The following LOC728743 variants were observed in gnomAD, a reference collection of about 807,000 sequenced individuals.
the LOC728743 span, chr7:150,410,283 A>G: frequency 2.5e-6 from 1 of 398,378 alleles, no homozygotes; most frequent in Non-Finnish European, 4.4e-6. Context: ...ACATCCAGTA[A>G]GAAGACCTGC....
the LOC728743 span, chr7:150,408,232 G>T: frequency 2.6e-6 from 1 of 389,834 alleles, no homozygotes. Context: ...GATGCGCCCG[G>T]GGCCTGCTGC....
the LOC728743 span, chr7:150,408,522 A>T: frequency 4.2e-5 from 10 of 240,648 alleles, no homozygotes; most frequent in Middle Eastern, 1.3e-3. Context: ...AGCCCCTCTC[A>T]GGGCTGGGAG....
chr7:150,403,402 A>G, the LOC728743 span, among the ~76,000 whole-genome samples: 1 of 152,178 alleles, frequency 6.6e-6, no homozygotes, highest in Non-Finnish European at 1.5e-5. The surrounding 1 kb of genome is among the most constrained non-coding windows in gnomAD (Gnocchi z 5.1). Flanking sequence ...GGTTCAGCTT[A>G]CCTAGAAATG....
the LOC728743 span, among the ~76,000 whole-genome samples, chr7:150,401,586 G>C: frequency 6.6e-6 from 1 of 152,230 alleles, no homozygotes; most frequent in Admixed American, 6.5e-5. Context: ...ATTGTGGCAG[G>C]GGCAGTGAGA....
At chr7:150,407,971 C>T in the LOC728743 span, 1 of 403,460 alleles carries the variant, frequency 2.5e-6, no homozygotes, top group Non-Finnish European at 4.4e-6. Context: ...TCCACAGCGG[C>T]GAGAAGCCGC....
the LOC728743 span, chr7:150,408,270 C>CT: frequency 2.6e-6 from 1 of 377,898 alleles, no homozygotes; most frequent in Non-Finnish European, 4.7e-6. Context: ...CCCGCACGTG[C>CT]GTCCCCGACC....
the LOC728743 span, among the ~76,000 whole-genome samples, chr7:150,402,328 C>A: frequency 6.6e-6 from 1 of 152,232 alleles, no homozygotes; most frequent in Non-Finnish European, 1.5e-5. Context: ...CTGAGCCTCA[C>A]ATCTCCATCC....
chr7:150,411,014 G>A, the LOC728743 span: 1 of 152,260 alleles, frequency 6.6e-6, no homozygotes, highest in Non-Finnish European at 1.5e-5. Context: ...CAGGTTTCTG[G>A]AGCCTCATTT....
the LOC728743 span, among the ~76,000 whole-genome samples, chr7:150,408,906 T>C: frequency 6.6e-6 from 1 of 152,102 alleles, no homozygotes; most frequent in East Asian, 1.9e-4. Flanking sequence ...CATGTGCCAC[T>C]GACTGTGCCG....
the LOC728743 span, among the ~76,000 whole-genome samples, chr7:150,409,462 G>A: frequency 5.3e-5 from 8 of 152,310 alleles, no homozygotes; most frequent in African/African-American, 1.9e-4. Flanking sequence ...CCAAGCTGGC[G>A]CTCTGAGGCA....
the LOC728743 span, among the ~76,000 whole-genome samples, chr7:150,409,852 C>T: frequency 3.4e-4 from 52 of 152,200 alleles, no homozygotes; most frequent in South Asian, 8.3e-4. Flanking sequence ...TATGGCTCCT[C>T]GGAGACTGTC....
At chr7:150,403,682 C>T in the LOC728743 span, among the ~76,000 whole-genome samples, 1 of 152,164 alleles carries the variant, frequency 6.6e-6, no homozygotes, top group Non-Finnish European at 1.5e-5. This position sits in a 1 kb window ranked among gnomAD's most constrained non-coding sequence, Gnocchi z 5.1. Context: ...CTTTGTCTTC[C>T]TAGTATTCCC....
chr7:150,408,364 T>G, the LOC728743 span: 1 of 363,592 alleles, frequency 2.8e-6, no homozygotes, highest in Non-Finnish European at 4.9e-6. Context: ...CTTGAAGGTG[T>G]GGGCCGCCGC....
At chr7:150,402,561 G>T in the LOC728743 span, among the ~76,000 whole-genome samples, 1 of 152,252 alleles carries the variant, frequency 6.6e-6, no homozygotes, top group Non-Finnish European at 1.5e-5. Context: ...ACAAAGAGAC[G>T]CTAAAATAGT....
chr7:150,407,666 G>A, the LOC728743 span: 3 of 399,398 alleles, frequency 7.5e-6, no homozygotes, highest in Non-Finnish European at 1.3e-5. Context: ...CGGGGAGGAG[G>A]GTCTGGGGGA....
chr7:150,404,057 G>GC, the LOC728743 span, among the ~76,000 whole-genome samples: 1 of 152,186 alleles, frequency 6.6e-6, no homozygotes. Context: ...ATCTCTCAAT[G>GC]CCCTCCATCA....
chr7:150,405,380 A>G, the LOC728743 span: 1 of 152,090 alleles, frequency 6.6e-6, no homozygotes, highest in African/African-American at 2.4e-5. Context: ...CCGAGGCCAG[A>G]GCCGGACCCT....
the LOC728743 span, chr7:150,410,360 C>T: frequency 2.5e-6 from 1 of 393,254 alleles, no homozygotes. Context: ...AAGCAGATTC[C>T]AAGCTCTGGT....
the LOC728743 span, among the ~76,000 whole-genome samples, chr7:150,404,027 C>T: frequency 6.6e-6 from 1 of 152,216 alleles, no homozygotes; most frequent in Non-Finnish European, 1.5e-5. Context: ...AGAGGACCCT[C>T]ATGGTATCGG....
Sources: gnomAD v4.1 joint callset for allele counts (sites outside exome capture counted in the v4.1 genomes callset) on GRCh38, gnomAD v4.1.1 for gene constraint, Gnocchi (gnomAD v3.1) non-coding constraint, MANE v1.5 for transcripts.